Variants in GCC2 observed in about 807,000 individuals in gnomAD.
GCC2 encodes the protein GRIP and coiled-coil domain-containing protein 2.
Under a neutral mutation model 210.6 loss-of-function variants are expected in GCC2, and 120 were observed. That is an observed-to-expected ratio of 0.57 (90% CI 0.49 to 0.66). The LOEUF (loss-of-function observed/expected upper bound fraction) is 0.66, where lower values mean the gene tolerates loss of function less well. GCC2 is among the 30% of genes least tolerant of loss of function. The pLI is 0.00. For synonymous variants in GCC2, 703 were observed against 652.7 expected, an observed-to-expected ratio of 1.08 and a Z score of -1.17; for missense variants, 1,868 against 1,871.9, an observed-to-expected ratio of 1.00 and a Z score of 0.04.
Position 108,487,782 on chromosome 2 carries a change from T to C in GCC2, c.4014T>C (p.Ser1338=). ...HNVLKQQKNK[S]MSQAETEGAK... is the part of the protein sequence containing the mutation. ...TTCTAAAACAACAGAAAAATAAATC[T>C]ATGTCTCAGGCTGAAACTGAGGGCG... The change falls in exon 17 of 23, where the codon TCT becomes TCC. Residue 1338 remains serine (S), a synonymous_variant. Coordinates refer to ENST00000309863, the MANE Select transcript of GCC2 (RefSeq NM_181453.4). 1 of 1,613,438 alleles carries C rather than the reference T, an allele frequency of 6.2e-7. No homozygotes were observed. The highest frequency in any genetic ancestry group is 1.1e-5 in the South Asian group (1 of 91,050).
intron 19 of GCC2, chr2:108,493,656 G>T: frequency 5.1e-6 from 5 of 985,448 alleles, no homozygotes; most frequent in Non-Finnish European, 6.0e-6. Flanking sequence ...TGATGATGCA[G>T]TATTTTAGTA....
At position 108,469,979 on chromosome 2, in the gene GCC2, C is replaced by G; in HGVS notation, c.650C>G (p.Thr217Ser). The stretch of plus-strand genomic sequence containing the variant: ...ACTGATGAAAAGAAGGAAACAGTTA[C>G]TCAACTCCAAAATATCATTGAGGCT... ...ATTDEKKETV[T>S]QLQNIIEANS... Residue 217 changes from threonine (T) to serine (S), a missense_variant, in exon 6 of 23, where the codon ACT (threonine) becomes AGT (serine). Physicochemically the swap from Thr to Ser is moderately conservative, Grantham distance 58. Around this residue, in one of 3 missense-constraint regions of GCC2, gnomAD observed 1,847 missense variants for 1,765.2 expected, o/e 1.05. Coordinates refer to ENST00000309863, the MANE Select transcript of GCC2 (RefSeq NM_181453.4). The G allele has an allele frequency of 6.2e-7, 1 of 1,612,828 alleles. No individual in the cohort carries two copies. Among genetic ancestry groups the G allele is most frequent in the African/African-American group, 1.3e-5 (1 of 75,006 alleles).
At chr2:108,501,904 A>AATACTGAC (rs1421749264) in intron 22 of GCC2, among the ~76,000 whole-genome samples, 3 of 152,206 alleles carry the variant, frequency 2.0e-5, no homozygotes, top group African/African-American at 7.2e-5. Flanking sequence ...GAATGTTCTC[A>AATACTGAC]ATACTGACAG....
At chr2:108,506,102 T>C (rs1437059418) in intron 22 of GCC2, among the ~76,000 whole-genome samples, 2 of 152,216 alleles carry the variant, frequency 1.3e-5, no homozygotes, top group Non-Finnish European at 2.9e-5. Context: ...CAGTGACTTA[T>C]GCACTTTAAA....
chr2:108,460,922 G>T (rs1680537200), intron 4 of GCC2, among the ~76,000 whole-genome samples: 1 of 152,152 alleles, frequency 6.6e-6, no homozygotes, highest in East Asian at 1.9e-4. Context: ...TCTTCCTCCT[G>T]CTCCGACCCT....
chr2:108,458,789 T>A (rs995562177), intron 4 of GCC2, among the ~76,000 whole-genome samples: 2 of 152,116 alleles, frequency 1.3e-5, no homozygotes, highest in African/African-American at 4.8e-5. Flanking sequence ...CATTTCTGAT[T>A]TTATTTAGGT....
chr2:108,475,580 A>T lies in GCC2; in HGVS notation c.2906A>T (p.Lys969Met). ...AAAGAAAAGGAGGAGAAAATAAATA[A>T]GATAAAATTAGTTGCCGTAAAGGCA... ...ECKEKEEKIN[K>M]IKLVAVKAKK... is the part of the protein sequence containing the mutation. Residue 969 changes from lysine (K) to methionine (M), a missense_variant, in exon 8 of 23, where the codon AAG (lysine) becomes ATG (methionine). Around this residue, in one of 3 missense-constraint regions of GCC2, gnomAD observed 1,847 missense variants for 1,765.2 expected, o/e 1.05. Coordinates refer to ENST00000309863, the MANE Select transcript of GCC2 (RefSeq NM_181453.4). 1 of 1,535,006 alleles carries T rather than the reference A, an allele frequency of 6.5e-7. No homozygotes were observed. Among genetic ancestry groups the T allele is most frequent in the Non-Finnish European group, 8.8e-7 (1 of 1,142,576 alleles).
At chr2:108,452,335 T>A (rs150685560) in intron 3 of GCC2, 64 bp from the exon 4 acceptor site, 1 of 854,196 alleles carries the variant, frequency 1.2e-6, no homozygotes, top group Non-Finnish European at 2.0e-6. Flanking sequence ...AATGTACTTA[T>A]CAGTTTCCCA....
chr2:108,449,222 A>C lies in GCC2; in HGVS notation c.-53A>C. 2 of 1,537,570 alleles carry C rather than the reference A, an allele frequency of 1.3e-6. No individual in the cohort carries two copies. Among genetic ancestry groups the C allele is most frequent in the South Asian group, 1.2e-5 (1 of 83,428 alleles). ...GCCTACGTCAGAGGCTGGCGCAAAC[A>C]GAAGTGCAGCGGTGGCGGCGGCTGG... On this transcript the variant is annotated 5_prime_UTR_variant, in exon 1 of 23. Transcript: ENST00000309863.
chr2:108,455,651 G>C (rs1558727871), intron 4 of GCC2, among the ~76,000 whole-genome samples: 1 of 152,090 alleles, frequency 6.6e-6, no homozygotes, highest in African/African-American at 2.4e-5. Context: ...TACATTTCAA[G>C]TCTTCTGGCT....
At chr2:108,504,001 A>G (rs3198621) in intron 22 of GCC2, among the ~76,000 whole-genome samples, 350 of 152,290 alleles carry the variant, frequency 2.3e-3, no homozygotes, top group African/African-American at 3.2e-3. Flanking sequence ...CTAGCTACTC[A>G]GGAGGCTAAG....
At chr2:108,499,970 G>A (rs3931101) in intron 22 of GCC2, among the ~76,000 whole-genome samples, 127 of 152,146 alleles carry the variant, frequency 8.3e-4, no homozygotes, top group African/African-American at 1.3e-3. Context: ...GCAAAATACA[G>A]TAAGTGCTTA....
chr2:108,479,261 G>C (rs183897802), intron 9 of GCC2, among the ~76,000 whole-genome samples: 2 of 152,188 alleles, frequency 1.3e-5, no homozygotes, highest in African/African-American at 4.8e-5. Flanking sequence ...AATTCAGATT[G>C]TAACAGTCAG....
At chr2:108,473,325 AAAAGC>A (rs1227578130) in intron 7 of GCC2, 2 of 152,668 alleles carry the variant, frequency 1.3e-5, no homozygotes, top group Non-Finnish European at 2.9e-5. Flanking sequence ...AAAAAAAAAA[AAAAGC>A]AGCGTAGAAT....
At chr2:108,449,502 T>C in intron 1 of GCC2, 131 bp from the exon 2 acceptor site, 1 of 1,210,440 alleles carries the variant, frequency 8.3e-7, no homozygotes, top group East Asian at 2.4e-5. Flanking sequence ...CCGTCCGCCC[T>C]CATTCTCTGT....
chr2:108,492,785 C>T lies in GCC2; in HGVS notation c.4442C>T (p.Thr1481Ile). ...TTCCAGCTTAAGAATGAACCGACCACAAGAAGTATGTATGTACACATGGAA... is the reference window on the plus strand; with the variant it reads ...TTCCAGCTTAAGAATGAACCGACCATAAGAAGTATGTATGTACACATGGAA... ...QLFQLKNEPT[T>I]RSPVSSQQSL... The change falls in exon 19 of 23, where the codon ACA (threonine) becomes ATA (isoleucine). Residue 1481 changes from threonine to isoleucine, a missense_variant. By Grantham distance (89) the Thr-to-Ile change is moderately conservative (BLOSUM62 -1). Around this residue, in one of 3 missense-constraint regions of GCC2, gnomAD observed 1,847 missense variants for 1,765.2 expected, o/e 1.05. Transcript: ENST00000309863. The T allele has an allele frequency of 6.2e-7, 1 of 1,603,154 alleles. No individual in the cohort carries two copies. Among genetic ancestry groups the T allele is most frequent in the Non-Finnish European group, 8.5e-7 (1 of 1,169,982 alleles).
chr2:108,465,099 G>A (rs1181505251), intron 4 of GCC2, among the ~76,000 whole-genome samples: 1 of 152,304 alleles, frequency 6.6e-6, no homozygotes, highest in East Asian at 1.9e-4. Flanking sequence ...CCTCCCACTA[G>A]ACCCCACTGC....
chr2:108,449,804 C>A, intron 2 of GCC2, 115 bp downstream of exon 2: 1 of 734,976 alleles, frequency 1.4e-6, no homozygotes, highest in East Asian at 2.5e-5. Flanking sequence ...TAGCCTTGCT[C>A]CAAGGGATCT....
intron 2 of GCC2, among the ~76,000 whole-genome samples, 156 bp from the exon 3 acceptor site, chr2:108,450,872 A>G (rs1679902317): frequency 6.6e-6 from 1 of 152,202 alleles, no homozygotes; most frequent in South Asian, 2.1e-4. Context: ...ATAGAGCGAG[A>G]CTCTGTCTCA....
Sources: allele counts gnomAD v4.1 joint callset (sites outside exome capture counted in the v4.1 genomes callset), GRCh38; gene constraint gnomAD v4.1.1; regional missense constraint gnomAD v4.1.1; transcripts MANE v1.5; gene names NCBI Gene and HGNC (gene_info 2026-07-23, HGNC 2026-07-21).